ATF6: variants seen among roughly 807,000 people sequenced by gnomAD.
ATF6 encodes cyclic AMP-dependent transcription factor ATF-6 alpha.
ATF6 carries 53 observed loss-of-function variants against 83.6 expected under a neutral mutation model. The observed-to-expected ratio is 0.63, with a 90% CI of 0.51 to 0.80. The LOEUF (loss-of-function observed/expected upper bound fraction) is 0.80, where lower values mean the gene tolerates loss of function less well. Ranked by LOEUF, ATF6 falls within the 30% of genes least tolerant of loss-of-function variation. The pLI, the probability that ATF6 is intolerant of heterozygous loss-of-function variation, is 0.00. For missense variants in ATF6, 744 were observed against 797.9 expected (o/e 0.93, Z 0.81); for synonymous variants, 288 against 285.8 (o/e 1.01, Z -0.08).
chr1:161,952,722 GT>G (rs2101920048), intron 15 of ATF6, among the ~76,000 whole-genome samples: 1 of 152,276 alleles, frequency 6.6e-6, no homozygotes, highest in Admixed American at 6.5e-5. Context: ...CAGTGAACAA[GT>G]CAGACGCTTG....
At position 161,773,776 on chromosome 1, in the gene ATF6, G is replaced by T. The variant is rs1156949272; in HGVS notation, c.83-4468G>T. On this transcript the variant is annotated intron_variant, in intron 1 of 15. Coordinates refer to ENST00000367942, the MANE Select transcript of ATF6 (RefSeq NM_007348.4). Reference sequence around the variant, plus strand: ...CTAATAGTGTGGGACTGGTGCAAAGGATATAGAAATAGGCAATAGGTTTTA... The same window carrying T: ...CTAATAGTGTGGGACTGGTGCAAAGTATATAGAAATAGGCAATAGGTTTTA... Among the ~76,000 whole-genome samples the T allele has an allele frequency of 2.0e-5, 3 of 152,142 alleles. No homozygotes were observed. In the East Asian group the frequency reaches 5.8e-4, roughly 29 times the overall value.
intron 14 of ATF6, among the ~76,000 whole-genome samples, chr1:161,887,112 C>A (rs574944988): frequency 6.6e-6 from 1 of 151,876 alleles, no homozygotes; most frequent in Non-Finnish European, 1.5e-5. Flanking sequence ...CGCTTTGTCA[C>A]CCATACTGGA....
At chr1:161,883,190 GA>G (rs1687354699) in intron 14 of ATF6, among the ~76,000 whole-genome samples, 1 of 151,964 alleles carries the variant, frequency 6.6e-6, no homozygotes, top group South Asian at 2.1e-4. Context: ...ATGAAGGTTA[GA>G]TTTAGATAAT....
At chr1:161,817,643 A>C (rs921464984) in intron 7 of ATF6, among the ~76,000 whole-genome samples, 32 of 152,182 alleles carry the variant, frequency 2.1e-4, no homozygotes, top group South Asian at 2.1e-4. Context: ...GTTTAAATAA[A>C]AAAACACCCT....
chr1:161,839,544 T>G (rs1370270083), intron 9 of ATF6, among the ~76,000 whole-genome samples: 1 of 152,040 alleles, frequency 6.6e-6, no homozygotes. Flanking sequence ...GTATTATGAT[T>G]ATTATTATCG....
rs75315532 is a variant in ATF6 at position 161,794,757 on chromosome 1, A to T, written c.688+2430A>T. ...ATTTTCTACCAACCAGCAACAACTT[A>T]TGCCTACTTCTACTTCTCAGTCCTC... is the stretch of plus-strand genomic sequence containing the variant. On this transcript the variant is annotated intron_variant, in intron 6 of 15. Coordinates refer to ENST00000367942, the MANE Select transcript of ATF6 (RefSeq NM_007348.4). Among the ~76,000 whole-genome samples the T allele has an allele frequency of 9.1e-3, 1,392 of 152,318 alleles. 19 individuals carry two copies. The highest frequency in any genetic ancestry group is 0.032 in the African/African-American group (1,321 of 41,576).
intron 7 of ATF6, among the ~76,000 whole-genome samples, chr1:161,819,012 TAGAG>T (rs1228321102): frequency 1.3e-5 from 2 of 151,240 alleles, no homozygotes; most frequent in South Asian, 2.1e-4. Context: ...GAAGAGGGAA[TAGAG>T]AGAAAGTAAT....
intron 14 of ATF6, 76 bp downstream of exon 14, chr1:161,863,388 G>A: frequency 2.4e-5 from 22 of 934,750 alleles, no homozygotes; most frequent in South Asian, 5.7e-5. Flanking sequence ...TGAATATTGT[G>A]GAAAATACAA....
intron 6 of ATF6, among the ~76,000 whole-genome samples, chr1:161,800,194 A>G (rs952760418): frequency 1.3e-5 from 2 of 152,198 alleles, no homozygotes; most frequent in African/African-American, 2.4e-5. Context: ...GCTTGGAACC[A>G]GAAGTGTTTC....
At chr1:161,910,692 G>A (rs12079579) in intron 14 of ATF6, among the ~76,000 whole-genome samples, 21,354 of 152,066 alleles carry the variant, frequency 0.14, 2,196 homozygotes, top group African/African-American at 0.28. Flanking sequence ...AGACCCTGAA[G>A]CAGTATTTTA....
chr1:161,849,701 C>A (rs930605746), intron 10 of ATF6, among the ~76,000 whole-genome samples: 4 of 133,338 alleles, frequency 3.0e-5, no homozygotes, highest in Admixed American at 1.4e-4. Context: ...CTAGGTGACT[C>A]ATCTATAATT....
chr1:161,956,790 A>G (rs1410088139), intron 15 of ATF6, among the ~76,000 whole-genome samples: 1 of 152,254 alleles, frequency 6.6e-6, no homozygotes, highest in Non-Finnish European at 1.5e-5. Context: ...TGGAGGAATT[A>G]TGTATTCTAT....
chr1:161,851,261 CACACACACACACA>C (rs1686619749), intron 10 of ATF6, among the ~76,000 whole-genome samples: 1 of 150,468 alleles, frequency 6.6e-6, no homozygotes, highest in Non-Finnish European at 1.5e-5. Context: ...CACACACACA[CACACACACACACA>C]CCCCTACCTG....
intron 8 of ATF6, among the ~76,000 whole-genome samples, chr1:161,820,394 AAG>A (rs1685724273): frequency 4.6e-5 from 7 of 152,172 alleles, no homozygotes; most frequent in African/African-American, 1.7e-4. Context: ...AATGATTTAA[AAG>A]GTTAGGGAGG....
intron 15 of ATF6, among the ~76,000 whole-genome samples, chr1:161,917,460 G>A (rs1035817157): frequency 8.0e-5 from 12 of 149,814 alleles, no homozygotes; most frequent in Admixed American, 3.3e-4. Flanking sequence ...TCGCTCTGTC[G>A]CCTGGGTTGG....
rs1048332020 is a variant in ATF6, at chr1:161,773,588, A to C, written c.83-4656A>C. Among the ~76,000 whole-genome samples, 17 of 152,274 alleles carry C rather than the reference A, an allele frequency of 1.1e-4. No individual in the cohort carries two copies. The East Asian group carries it at 2.9e-3, about 26-fold the overall frequency. ...GCCTGAAACTGCTGTTTTTAAGGGC[A>C]CTACTGATTTCCACATTGCTAAACC... On this transcript the variant is annotated intron_variant, in intron 1 of 15. Transcript: ENST00000367942.
At chr1:161,907,593 C>G (rs1252083659) in intron 14 of ATF6, among the ~76,000 whole-genome samples, 2 of 152,114 alleles carry the variant, frequency 1.3e-5, no homozygotes, top group African/African-American at 4.8e-5. Flanking sequence ...ACATTCCTTT[C>G]TATTAAAGAT....
intron 7 of ATF6, among the ~76,000 whole-genome samples, chr1:161,808,757 A>T (rs1237731042): frequency 6.6e-6 from 1 of 150,452 alleles, no homozygotes; most frequent in Non-Finnish European, 1.5e-5. Context: ...TTTTGTAGAG[A>T]TGGGGGTCTT....
At chr1:161,767,916 C>A (rs56371448) in intron 1 of ATF6, among the ~76,000 whole-genome samples, 14,387 of 152,160 alleles carry the variant, frequency 0.095, 1,245 homozygotes, top group East Asian at 0.31. Context: ...AGTGTAATGG[C>A]GCAATCTTGG....
Sources: allele counts gnomAD v4.1 joint callset (sites outside exome capture counted in the v4.1 genomes callset), GRCh38; gene constraint gnomAD v4.1.1; transcripts MANE v1.5; gene names NCBI Gene and HGNC (gene_info 2026-07-23, HGNC 2026-07-21).